CHSY3: variants seen among roughly 807,000 people sequenced by gnomAD.
CHSY3 encodes the protein N-acetylgalactosaminyl-proteoglycan 3-beta-glucuronosyltransferase 3.
Under a neutral mutation model 67.2 loss-of-function variants are expected in CHSY3, and 35 were observed. That is an observed-to-expected ratio of 0.52 (90% confidence interval 0.40 to 0.69). The LOEUF (loss-of-function observed/expected upper bound fraction) is 0.69, where lower values mean the gene tolerates loss of function less well. CHSY3 is among the 30% of genes least tolerant of loss of function. CHSY3 has a pLI of 0.00. For synonymous variants in CHSY3, 474 were observed against 434.7 expected (o/e 1.09, Z -1.12); for missense variants, 1,069 against 1,138.5 (o/e 0.94, Z 0.88).
chr5:129,979,147 C>T (rs1473599994), intron 2 of CHSY3, among the ~76,000 whole-genome samples: 1 of 127,096 alleles, frequency 7.9e-6, no homozygotes. Flanking sequence ...TTGCAGTGAG[C>T]AGAGATCGCG....
At chr5:129,999,296 T>C (rs1763650429) in intron 2 of CHSY3, among the ~76,000 whole-genome samples, 3 of 152,192 alleles carry the variant, frequency 2.0e-5, no homozygotes, top group Non-Finnish European at 4.4e-5. Context: ...AAGAGACTGT[T>C]ATGATTGAAA....
intron 2 of CHSY3, among the ~76,000 whole-genome samples, chr5:130,144,944 A>T (rs1478136385): frequency 6.6e-6 from 1 of 152,186 alleles, no homozygotes; most frequent in Admixed American, 6.5e-5. Flanking sequence ...CAGGAAACTT[A>T]CAATCATGGT....
At chr5:130,087,645 G>T (rs1053385169) in intron 2 of CHSY3, among the ~76,000 whole-genome samples, 4 of 152,066 alleles carry the variant, frequency 2.6e-5, no homozygotes, top group African/African-American at 9.6e-5. Flanking sequence ...AAATACCTAG[G>T]AATCCAACTT....
chr5:130,126,365 A>G (rs1302090436), intron 2 of CHSY3, among the ~76,000 whole-genome samples: 1 of 152,206 alleles, frequency 6.6e-6, no homozygotes, highest in Non-Finnish European at 1.5e-5. Context: ...TCTTTGTGCA[A>G]TATGATGGGC....
rs1760213299 is a variant in CHSY3 at position 129,905,210 on chromosome 5, T to C, written c.381T>C (p.Ala127=). ...AGGGCGCGACGGGGCTTCCCGGTGC[T>C]CCAGCGGCCGAGGGGGAGCCCGAGG... ...EPEGATGLPG[A]PAAEGEPEEE... Residue 127 remains alanine, a synonymous_variant, in exon 1 of 3, where the codon GCT becomes GCC. Transcript: ENST00000305031. The C allele has an allele frequency of 9.3e-6, 14 of 1,511,282 alleles. No individual in the cohort carries two copies. The highest frequency in any genetic ancestry group is 2.0e-5 in the Admixed American group (1 of 49,048). The allele number at this position is 1,511,282 out of a possible 1,614,324, so 93.6% of individuals were successfully genotyped here.
In CHSY3 at chr5:130,178,177, A is replaced by ATG. The variant is rs202195958; in HGVS notation, c.1087-6042_1087-6041dup. Among the ~76,000 whole-genome samples the ATG allele has an allele frequency of 4.0e-5, 5 of 123,600 alleles. No homozygotes were observed. The East Asian group carries it at 6.6e-4, about 16-fold the overall frequency. The allele number at this position is 123,600 out of a possible 152,430, so 81.1% of individuals were successfully genotyped here. The stretch of plus-strand genomic sequence containing the variant: ...TTTTTTTAGTATTATATGTATATAT[A>ATG]TGTGTGTGTGTATATATATATATTT... On this transcript the variant is annotated intron_variant, in intron 2 of 2. Transcript: ENST00000305031.
intron 2 of CHSY3, among the ~76,000 whole-genome samples, chr5:129,943,986 T>C (rs1261494746): frequency 6.6e-6 from 1 of 152,252 alleles, no homozygotes; most frequent in Non-Finnish European, 1.5e-5. Flanking sequence ...TATTCCATGC[T>C]GCTTCTCTTC....
At position 129,905,579 on chromosome 5, in the gene CHSY3, C is replaced by T; in HGVS notation, c.750C>T (p.Tyr250=). 1.2e-6 allele frequency: 2 copies of T among 1,613,834 alleles called. No homozygotes were observed. The highest frequency in any genetic ancestry group is 1.3e-5 in the African/African-American group (1 of 75,060). ...TGATCAAGTACATGCACGACCACTA[C>T]CTGGACAAGTATGAGTGGTTCATGC... The part of the protein sequence containing the change: ...FMMIKYMHDH[Y]LDKYEWFMRA... Residue 250 remains tyrosine (Y), a synonymous_variant, in exon 1 of 3, where the codon TAC becomes TAT. Transcript: ENST00000305031.
rs575574785 is a variant in CHSY3 at position 130,107,932 on chromosome 5, T to G, written c.1087-76297T>G. Among the ~76,000 whole-genome samples, 4 of 151,864 alleles carry G rather than the reference T, an allele frequency of 2.6e-5. No homozygotes were observed. The East Asian group carries it at 7.7e-4, about 29-fold the overall frequency. ...ATATTTGCTTCAGTGTCTAACACTC[T>G]TTTTCATATGGCTGATAGAATCCTT... is the stretch of plus-strand genomic sequence containing the variant. On this transcript the variant is annotated intron_variant, in intron 2 of 2. Coordinates refer to ENST00000305031, the MANE Select transcript of CHSY3 (RefSeq NM_175856.5).
intron 2 of CHSY3, among the ~76,000 whole-genome samples, chr5:130,105,355 G>C (rs888746990): frequency 1.3e-5 from 2 of 151,688 alleles, no homozygotes; most frequent in Non-Finnish European, 1.5e-5. Flanking sequence ...TCCTAGGTAA[G>C]TAAAGATCGC....
At chr5:129,978,344 G>A (rs10478905) in intron 2 of CHSY3, among the ~76,000 whole-genome samples, 1 of 152,072 alleles carries the variant, frequency 6.6e-6, no homozygotes. Context: ...CCAGTATTTT[G>A]CCAATACAAA....
intron 2 of CHSY3, among the ~76,000 whole-genome samples, chr5:130,016,755 T>G (rs1215293765): frequency 6.6e-6 from 1 of 152,194 alleles, no homozygotes; most frequent in African/African-American, 2.4e-5. Context: ...CTAAAATGTC[T>G]GAAGTATAGA....
At chr5:129,910,491 CATTGATTTAATTCTAATAAAAA>C (rs1760498623) in intron 2 of CHSY3, among the ~76,000 whole-genome samples, 1 of 151,870 alleles carries the variant, frequency 6.6e-6, no homozygotes, top group African/African-American at 2.4e-5. Flanking sequence ...TTAAGGGAGG[CATTGATTTAATTCTAATAAAAA>C]ATCTCAAAAG....
intron 2 of CHSY3, among the ~76,000 whole-genome samples, chr5:130,178,241 ATATATATATATAT>A (rs1770123884): frequency 1.5e-5 from 1 of 66,444 alleles, no homozygotes; most frequent in African/African-American, 6.4e-5. Flanking sequence ...ATATATATAT[ATATATATATATAT>A]TTTTTTTTTT....
At chr5:130,017,090 C>G (rs1454581976) in intron 2 of CHSY3, among the ~76,000 whole-genome samples, 2 of 152,118 alleles carry the variant, frequency 1.3e-5, no homozygotes, top group Non-Finnish European at 2.9e-5. Flanking sequence ...GACACTGATA[C>G]AAGACTGATT....
At chr5:130,135,022 C>T (rs946337586) in intron 2 of CHSY3, among the ~76,000 whole-genome samples, 3 of 151,954 alleles carry the variant, frequency 2.0e-5, no homozygotes, top group African/African-American at 7.3e-5. Flanking sequence ...TACCCATATA[C>T]TTTGAATACC....
intron 2 of CHSY3, chr5:130,141,336 T>A: frequency 2.6e-6 from 1 of 377,912 alleles, no homozygotes; most frequent in South Asian, 2.5e-5. Flanking sequence ...CGTGGTGTGC[T>A]TATTTAGATT....
intron 2 of CHSY3, among the ~76,000 whole-genome samples, chr5:130,111,339 A>G (rs1767586900): frequency 6.6e-6 from 1 of 152,094 alleles, no homozygotes; most frequent in Admixed American, 6.6e-5. Context: ...TTTCACATTG[A>G]TGGTGGATTA....
intron 2 of CHSY3, among the ~76,000 whole-genome samples, chr5:130,022,289 G>C (rs1561501523): frequency 1.3e-5 from 2 of 152,096 alleles, no homozygotes; most frequent in South Asian, 4.1e-4. Flanking sequence ...CTGTAGCATA[G>C]TTACGTTGTT....
Sources: allele counts gnomAD v4.1 joint callset (sites outside exome capture counted in the v4.1 genomes callset), GRCh38; gene constraint gnomAD v4.1.1; transcripts MANE v1.5; gene names NCBI Gene and HGNC (gene_info 2026-07-23, HGNC 2026-07-21).